MYL5: variants seen among roughly 807,000 people sequenced by gnomAD.
MYL5 encodes myosin light chain 5, also known as myosin regulatory light chain 5.
In MYL5, 28 loss-of-function variants were observed where a neutral mutation model predicts 20.8. That is an observed-to-expected ratio of 1.35 (90% confidence interval 1.00 to 1.84). The LOEUF is 1.84. Among genes scored for constraint, MYL5 ranks in the 40% most tolerant of loss-of-function variants. The pLI, the probability that MYL5 is intolerant of heterozygous loss-of-function variation, is 0.00. For synonymous variants in MYL5, 118 were observed against 87.4 expected (o/e 1.35, Z -1.95); for missense variants, 274 against 227.3 (o/e 1.21, Z -1.32).
chr4:674,593 C>T (rs775885296), upstream of MYL5: 81 of 386,326 alleles, frequency 2.1e-4, no homozygotes, highest in Non-Finnish European at 3.4e-4. Context: ...CTGCCGAGGC[C>T]CCGCCGTCCG....
chr4:678,791 G>T, intron 2 of MYL5, 26 bp downstream of exon 4: 1 of 1,607,762 alleles, frequency 6.2e-7, no homozygotes, highest in Non-Finnish European at 8.5e-7. Context: ...TTCACTGGGA[G>T]CCCCCACCCC....
At chr4:674,684 G>A (rs1305097509), upstream of MYL5, 8 of 231,576 alleles carry the variant, frequency 3.5e-5, no homozygotes, top group Non-Finnish European at 6.9e-5. Context: ...GAGGCCTGAG[G>A]TCAGGGCGGC....
chr4:677,990 G>C lies in MYL5; in HGVS notation c.-37G>C, dbSNP rs368446750. The C allele has an allele frequency of 1.9e-5, 31 of 1,613,358 alleles. No individual in the cohort carries two copies. In the African/African-American group the frequency reaches 3.7e-4, roughly 19 times the overall value. ...GAGCTTAAGATGGGCAAGACCTGGG[G>C]CCCTGGGCAGACGCATCAAAGCAGG... On this transcript the variant is annotated 5_prime_UTR_variant, in exon 1 of 7. Transcript: ENST00000400159.
intron 1 of MYL5, 164 bp from the exon 4 acceptor site, chr4:678,494 G>C: frequency 2.8e-6 from 4 of 1,439,768 alleles, no homozygotes; most frequent in Non-Finnish European, 3.6e-6. Context: ...CCCAACCCCA[G>C]CTACCCAGGC....
intron 3 of MYL5, among the ~76,000 whole-genome samples, chr4:679,450 G>A (rs1225393388): frequency 1.3e-5 from 2 of 152,006 alleles, no homozygotes; most frequent in African/African-American, 2.4e-5. Flanking sequence ...CTGCAGCACA[G>A]CCCGAGTGTG....
chr4:677,435 TC>T (rs1286157323), upstream of MYL5, among the ~76,000 whole-genome samples: 1 of 152,170 alleles, frequency 6.6e-6, no homozygotes, highest in East Asian at 1.9e-4. Flanking sequence ...CCATGGCTCC[TC>T]CAACCCAGAA....
Position 678,978 on chromosome 4 carries a change from G to GA in MYL5, c.134dup (p.Asn45LysfsTer7), listed in dbSNP as rs764242955. On this transcript the variant is annotated frameshift_variant, in exon 3 of 7. Transcript: ENST00000400159. LOFTEE classifies it high-confidence loss of function. ...CCCAGGCATTCACACTCATGGATCAGAACCGAGATGGCTTCATTGACAAGG... is the reference window on the plus strand; with the variant it reads ...CCCAGGCATTCACACTCATGGATCAGAAACCGAGATGGCTTCATTGACAAGG... 1 of 1,613,834 alleles carries GA rather than the reference G, an allele frequency of 6.2e-7. No homozygotes were observed. The highest frequency in any genetic ancestry group is 1.1e-5 in the South Asian group (1 of 91,088).
chr4:681,075 C>G lies in MYL5; in HGVS notation c.372-17C>G, dbSNP rs1225972336. The G allele has an allele frequency of 1.3e-6, 2 of 1,592,232 alleles. No homozygotes were observed. Among genetic ancestry groups the G allele is most frequent in the Non-Finnish European group, 1.7e-6 (2 of 1,169,874 alleles). On this transcript the variant is annotated splice_polypyrimidine_tract_variant and intron_variant, in intron 5 of 6. Coordinates refer to ENST00000400159, the Ensembl canonical transcript of MYL5. ...ACCCCCGCATCAGCCCGCGCTGACCCCTTTCCTCGTCCTCAGCATCAAGCG... is the reference window on the plus strand; with the variant it reads ...ACCCCCGCATCAGCCCGCGCTGACCGCTTTCCTCGTCCTCAGCATCAAGCG...
intron 1 of MYL5, 101 bp from the exon 4 acceptor site, chr4:678,557 A>T (rs1739093831): frequency 4.0e-6 from 6 of 1,491,734 alleles, no homozygotes; most frequent in Middle Eastern, 2.3e-4. Flanking sequence ...CGAAGGGCTG[A>T]GGTCCACCCT....
upstream of MYL5, chr4:674,917 C>T (rs1344694966): frequency 6.5e-6 from 1 of 152,762 alleles, no homozygotes; most frequent in African/African-American, 2.4e-5. Context: ...TGCCCGGGAG[C>T]ACGGGGCGCC....
At chr4:681,628 C>T (rs1348757692) in intron 6 of MYL5, among the ~76,000 whole-genome samples, 1 of 94,826 alleles carries the variant, frequency 1.1e-5, no homozygotes, top group Non-Finnish European at 2.2e-5. Context: ...CCGCCCCGCC[C>T]CCTCCAGCGC....
chr4:676,253 A>ACT (rs1341228526), upstream of MYL5: 2 of 152,074 alleles, frequency 1.3e-5, no homozygotes, highest in African/African-American at 4.8e-5. Context: ...AATAATCCAG[A>ACT]CTCCTCAGCA....
chr4:679,728 G>A (rs2109344586), intron 3 of MYL5, among the ~76,000 whole-genome samples, 186 bp from the exon 6 acceptor site: 1 of 152,300 alleles, frequency 6.6e-6, no homozygotes, highest in South Asian at 2.1e-4. Flanking sequence ...GGGGCTCACG[G>A]TTTGGGGTGA....
upstream of MYL5, chr4:674,631 A>G: frequency 3.4e-6 from 1 of 294,356 alleles, no homozygotes; most frequent in Non-Finnish European, 6.4e-6. Flanking sequence ...CACACCCCAG[A>G]CTGCGGGCCG....
chr4:677,821 G>C (rs1480876658), upstream of MYL5: 6 of 764,302 alleles, frequency 7.9e-6, no homozygotes, highest in Non-Finnish European at 1.1e-5. Flanking sequence ...TGGGGGCCTT[G>C]CGGGGTGAGG....
At chr4:676,664 G>T (rs1034210020), upstream of MYL5, among the ~76,000 whole-genome samples, 4 of 152,164 alleles carry the variant, frequency 2.6e-5, no homozygotes, top group East Asian at 7.7e-4. Flanking sequence ...TGGCCTCGGG[G>T]GGCCTCCCAA....
chr4:677,791 C>T, upstream of MYL5: 1 of 641,988 alleles, frequency 1.6e-6, no homozygotes, highest in Non-Finnish European at 2.8e-6. Flanking sequence ...GTAGTCCTGG[C>T]CAGAGGTATC....
In MYL5 at chr4:680,606, A is replaced by C; in HGVS notation, c.371+19A>C. ...AGGAGTAGTGAGTGCCCGGGCGGCC[A>C]GGGCGGCCCGGCTTCCGGGGAACCC... is the stretch of plus-strand genomic sequence containing the variant. On this transcript the variant is annotated intron_variant, in intron 5 of 6. Coordinates refer to ENST00000400159, the Ensembl canonical transcript of MYL5. 1 of 1,610,520 alleles carries C rather than the reference A, an allele frequency of 6.2e-7. No homozygotes were observed. Among genetic ancestry groups the C allele is most frequent in the African/African-American group, 1.3e-5 (1 of 74,848 alleles).
rs1247755844 is a variant in MYL5, at chr4:681,143, C to G, written c.420+3C>G. 3.7e-6 allele frequency: 6 copies of G among 1,603,928 alleles called. No homozygotes were observed. In the African/African-American group the frequency reaches 5.3e-5, roughly 14 times the overall value. ...CTGACAAGATGACGGCGGAAGAGGT[C>G]TGGCCCGCGGCTTCCCTGCCAAGCC... On this transcript the variant is annotated splice_donor_region_variant and intron_variant, in intron 6 of 6. Transcript: ENST00000400159.
Sources: allele counts gnomAD v4.1 joint callset (sites outside exome capture counted in the v4.1 genomes callset), GRCh38; gene constraint gnomAD v4.1.1; transcripts MANE v1.5; gene names NCBI Gene and HGNC (gene_info 2026-07-23, HGNC 2026-07-21).